The following TTLL3 variants were observed in gnomAD, a reference collection of about 807,000 sequenced individuals.
The protein encoded by TTLL3 is tubulin tyrosine ligase like 3.
Under a neutral mutation model 75.2 loss-of-function variants are expected in TTLL3, and 63 were observed. The ratio of observed to expected loss-of-function variants is 0.84; its 90% CI spans 0.68 to 1.03. The LOEUF (loss-of-function observed/expected upper bound fraction) is 1.03, where lower values mean the gene tolerates loss of function less well. Ranked by LOEUF, TTLL3 falls within the 50% of genes least tolerant of loss-of-function variation. TTLL3 has a pLI of 0.00. For missense variants in TTLL3, 997 were observed against 1,069.9 expected (o/e 0.93, Z 0.95); for synonymous variants, 393 against 418.5 (o/e 0.94, Z 0.74).
chr3:9,825,962 C>T lies in TTLL3; in HGVS notation c.1003+14C>T, dbSNP rs752966613. The stretch of plus-strand genomic sequence containing the variant: ...CCCGCGGACGAGGTGGGGGTCAGCT[C>T]CTGCTTCCTGCACTGGCACCTCACC... On this transcript the variant is annotated intron_variant, in intron 9 of 13. Coordinates refer to ENST00000685419, the MANE Select transcript of TTLL3 (RefSeq NM_001387446.1). 6.2e-7 allele frequency: 1 copy of T among 1,610,130 alleles called. No individual in the cohort carries two copies. Among genetic ancestry groups the T allele is most frequent in the Non-Finnish European group, 8.5e-7 (1 of 1,177,098 alleles).
Position 9,827,256 on chromosome 3 carries a change from C to G in TTLL3, c.1247+16C>G. On this transcript the variant is annotated intron_variant, in intron 10 of 13. Transcript: ENST00000685419. ...ACCTGGACAAGTGAGCCCCTCTGCT[C>G]GCCTCCCACGAGCTCCCTGCCTAGT... 1 of 1,610,992 alleles carries G rather than the reference C, an allele frequency of 6.2e-7. No individual in the cohort carries two copies. The highest frequency in any genetic ancestry group is 8.5e-7 in the Non-Finnish European group (1 of 1,177,522).
Position 9,826,896 on chromosome 3 carries a change from C to T in TTLL3, c.1004-101C>T, listed in dbSNP as rs1575401785. 2.6e-6 allele frequency: 4 copies of T among 1,562,210 alleles called. No homozygotes were observed. The East Asian group carries it at 9.0e-5, about 35-fold the overall frequency. On this transcript the variant is annotated intron_variant, in intron 9 of 13. Transcript: ENST00000685419. ...ATTGAGGGAGACAGCCTTACCCACT[C>T]AGCCCTATCAGCTCCGAGGGGACAA...
At chr3:9,825,146 T>C (rs760617999) in intron 8 of TTLL3, among the ~76,000 whole-genome samples, 2 of 151,600 alleles carry the variant, frequency 1.3e-5, no homozygotes, top group Non-Finnish European at 2.9e-5. Flanking sequence ...AGGCCAGGAG[T>C]TCAAGACTAG....
chr3:9,821,776 G>A (rs1035149092), intron 8 of TTLL3, among the ~76,000 whole-genome samples: 2 of 152,148 alleles, frequency 1.3e-5, no homozygotes, highest in Non-Finnish European at 2.9e-5. Context: ...GCTGAGGCGG[G>A]CAGATCACTT....
intron 7 of TTLL3, chr3:9,820,337 G>A (rs1323685268): frequency 7.0e-7 from 1 of 1,424,298 alleles, no homozygotes; most frequent in Non-Finnish European, 9.2e-7. Flanking sequence ...ACAGGTCCTG[G>A]GACAGTGGGA....
chr3:9,810,223 T>C (rs2079211147), upstream of TTLL3: 4 of 1,505,808 alleles, frequency 2.7e-6, no homozygotes, highest in Admixed American at 4.2e-5. This position sits in a 1 kb window ranked among gnomAD's most constrained non-coding sequence, Gnocchi z 4.4. Flanking sequence ...CTCCGCCCAG[T>C]CCGAGGAGGG....
rs1306085356 is a variant in TTLL3 at position 9,834,877 on chromosome 3, G to A, written c.2022G>A (p.Lys674=). Residue 674 remains lysine (K), a synonymous_variant, in exon 13 of 14, where the codon AAG becomes AAA. Coordinates refer to ENST00000685419, the MANE Select transcript of TTLL3 (RefSeq NM_001387446.1). The stretch of plus-strand genomic sequence containing the variant: ...CCCTCCCACCGAACCTTGATTTCAA[G>A]GTGGCACCCAGCATCCTGAAGCCAA... ...FISLPPNLDF[K]VAPSILKPRK... The A allele has an allele frequency of 1.2e-6, 2 of 1,614,240 alleles. No homozygotes were observed. Among genetic ancestry groups the A allele is most frequent in the East Asian group, 2.2e-5 (1 of 44,880 alleles).
intron 6 of TTLL3, chr3:9,818,371 G>A (rs961517854): frequency 5.9e-6 from 1 of 168,266 alleles, no homozygotes; most frequent in Non-Finnish European, 1.3e-5. Flanking sequence ...ACAGGAGCAA[G>A]TTCTTTTTTT....
At position 9,825,943 on chromosome 3, in the gene TTLL3, G is replaced by A; in HGVS notation, c.998G>A (p.Gly333Glu). The A allele has an allele frequency of 1.9e-6, 3 of 1,612,834 alleles. No homozygotes were observed. Among genetic ancestry groups the A allele is most frequent in the Non-Finnish European group, 2.5e-6 (3 of 1,178,900 alleles). The change falls in exon 9 of 14, where the codon GGA becomes GAA. Residue 333 changes from glycine to glutamate, a missense_variant. Physicochemically the swap from Gly to Glu is moderately conservative, Grantham distance 98. Transcript: ENST00000685419. Reference protein sequence around the residue: ...WIVKPGAKSRGRGIMCMDHLE... With the variant: ...WIVKPGAKSRERGIMCMDHLE... ...GTGAAGCCAGGAGCCAAGTCCCGCGGACGAGGTGGGGGTCAGCTCCTGCTT... is the reference window on the plus strand; with the variant it reads ...GTGAAGCCAGGAGCCAAGTCCCGCGAACGAGGTGGGGGTCAGCTCCTGCTT...
chr3:9,810,229 G>A (rs917640936), upstream of TTLL3: 5 of 1,507,846 alleles, frequency 3.3e-6, no homozygotes, highest in African/African-American at 7.2e-5. This position sits in a 1 kb window ranked among gnomAD's most constrained non-coding sequence, Gnocchi z 4.4. Flanking sequence ...CCAGTCCGAG[G>A]AGGGTCACGC....
chr3:9,825,643 G>A, intron 8 of TTLL3, 157 bp from the exon 9 acceptor site: 1 of 1,364,396 alleles, frequency 7.3e-7, no homozygotes, highest in Non-Finnish European at 1.0e-6. Context: ...TTGAAGGTGG[G>A]GCCGGAGGCT....
rs776538481 is a variant in TTLL3 at position 9,827,172 on chromosome 3, C to T, written c.1179C>T (p.Thr393=). The T allele has an allele frequency of 4.0e-5, 64 of 1,614,106 alleles. No homozygotes were observed. The highest frequency in any genetic ancestry group is 1.6e-4 in the Middle Eastern group (1 of 6,084). Reference sequence around the variant, plus strand: ...TGGTAACTGACTGGAACCCACTTACCGTGTGGTTCTACCGCGACAGCTATA... The same window carrying T: ...TGGTAACTGACTGGAACCCACTTACTGTGTGGTTCTACCGCGACAGCTATA... ...WFLVTDWNPL[T]VWFYRDSYIR... Residue 393 remains threonine (T), a synonymous_variant, in exon 10 of 14, where the codon ACC becomes ACT. Transcript: ENST00000685419.
chr3:9,818,065 C>G (rs2080055325), intron 6 of TTLL3: 1 of 238,426 alleles, frequency 4.2e-6, no homozygotes, highest in East Asian at 8.6e-5. Flanking sequence ...ATATCAAGTT[C>G]CATTTGTTGA....
chr3:9,832,352 C>T (rs866392768), intron 11 of TTLL3, among the ~76,000 whole-genome samples: 2 of 151,968 alleles, frequency 1.3e-5, no homozygotes, highest in Admixed American at 6.6e-5. Flanking sequence ...CCTCCCAAAG[C>T]TCTGGGATTA....
intron 12 of TTLL3, chr3:9,834,290 C>T: frequency 2.2e-6 from 1 of 448,978 alleles, no homozygotes; most frequent in Non-Finnish European, 4.4e-6. Flanking sequence ...CTGCCTTTGC[C>T]TTCAAGCAGT....
intron 7 of TTLL3, 70 bp from the exon 8 acceptor site, chr3:9,820,476 T>C (rs1359629432): frequency 1.3e-6 from 2 of 1,588,792 alleles, no homozygotes; most frequent in African/African-American, 2.7e-5. Context: ...CTTAGGACAA[T>C]GGGGGCTGTG....
At chr3:9,810,093 G>A, upstream of TTLL3, 1 of 1,420,656 alleles carries the variant, frequency 7.0e-7, no homozygotes, top group Non-Finnish European at 9.1e-7. This position sits in a 1 kb window ranked among gnomAD's most constrained non-coding sequence, Gnocchi z 4.4. Flanking sequence ...ACCGCCAGGA[G>A]GGCGGCGCGG....
In TTLL3 at chr3:9,812,989, G is replaced by A; in HGVS notation, c.95G>A (p.Cys32Tyr). 2.6e-6 allele frequency: 4 copies of A among 1,543,766 alleles called. No individual in the cohort carries two copies. Among genetic ancestry groups the A allele is most frequent in the Non-Finnish European group, 3.5e-6 (4 of 1,145,296 alleles). The change falls in exon 3 of 14, where the codon TGT becomes TAT. Residue 32 changes from cysteine (C) to tyrosine (Y), a missense_variant. Cys to Tyr is a radical substitution (Grantham distance 194). Transcript: ENST00000685419. ...CAAGGCTGCTACCCGGTGATCCGGT[G>A]TCTCTTGCGCCGGAGGGGCTGGGTG... ...TIQGCYPVIR[C>Y]LLRRRGWVEK...
Position 9,835,667 on chromosome 3 carries a change from C to G in TTLL3, c.*178C>G. 1.6e-6 allele frequency: 1 copy of G among 624,834 alleles called. No individual in the cohort carries two copies. The highest frequency in any genetic ancestry group is 2.6e-5 in the South Asian group (1 of 38,918). The allele number at this position is 624,834 out of a possible 1,614,324, so 38.7% of individuals were successfully genotyped here. On this transcript the variant is annotated 3_prime_UTR_variant, in exon 14 of 14. Coordinates refer to ENST00000685419, the MANE Select transcript of TTLL3 (RefSeq NM_001387446.1). Reference sequence around the variant, plus strand: ...AGGAGGCATGGCTTACCCAAGATCACGTGGCAGTGAGTCGACGCAGGGACA... The same window carrying G: ...AGGAGGCATGGCTTACCCAAGATCAGGTGGCAGTGAGTCGACGCAGGGACA...
Sources: allele counts gnomAD v4.1 joint callset (sites outside exome capture counted in the v4.1 genomes callset), GRCh38; gene constraint gnomAD v4.1.1; non-coding constraint Gnocchi (gnomAD v3.1); transcripts MANE v1.5; gene names NCBI Gene and HGNC (gene_info 2026-07-23, HGNC 2026-07-21).